The following MACROD2 variants were observed in gnomAD, a reference collection of about 807,000 sequenced individuals.
The protein encoded by MACROD2 is ADP-ribose glycohydrolase MACROD2.
In MACROD2, 36 loss-of-function variants were observed where a neutral mutation model predicts 70.4. The ratio of observed to expected loss-of-function variants is 0.51; its 90% confidence interval spans 0.39 to 0.68. The LOEUF is 0.68. Ranked by LOEUF, MACROD2 falls within the 30% of genes least tolerant of loss-of-function variation. MACROD2 has a pLI of 0.00. For missense variants in MACROD2, 496 were observed against 538.4 expected, an observed-to-expected ratio of 0.92 and a Z score of 0.78; for synonymous variants, 172 against 178.8, an observed-to-expected ratio of 0.96 and a Z score of 0.30.
chr20:15,013,818 G>A lies in MACROD2; in HGVS notation c.419-216122G>A, dbSNP rs149394297. On this transcript the variant is annotated intron_variant, in intron 5 of 17. Coordinates refer to ENST00000684519, the MANE Select transcript of MACROD2 (RefSeq NM_001351661.2). ...CCAACCTACAACACCAAGATAAATT[G>A]CTTGTATTTTTTCCTGGCGGTGGAG... Among the ~76,000 whole-genome samples the A allele has an allele frequency of 1.2e-4, 18 of 152,246 alleles. No homozygotes were observed. The East Asian group carries it at 3.5e-3, about 29-fold the overall frequency.
chr20:15,956,754 T>A (rs2065982709), intron 12 of MACROD2, among the ~76,000 whole-genome samples: 1 of 152,130 alleles, frequency 6.6e-6, no homozygotes, highest in African/African-American at 2.4e-5. Context: ...GGCCCCACAG[T>A]CTGTATGCTA....
chr20:14,643,353 A>G (rs561656101), intron 4 of MACROD2, among the ~76,000 whole-genome samples: 53 of 152,288 alleles, frequency 3.5e-4, no homozygotes, highest in Admixed American at 2.2e-3. Flanking sequence ...CAGTGGTCAT[A>G]TGGCAGATTG....
chr20:14,087,240 A>T (rs1295416936), intron 3 of MACROD2, among the ~76,000 whole-genome samples: 4 of 152,038 alleles, frequency 2.6e-5, no homozygotes, highest in Non-Finnish European at 5.9e-5. Flanking sequence ...CCAAAAAAAT[A>T]CAAAAATTAG....
At chr20:14,848,877 A>T (rs900529969) in intron 5 of MACROD2, among the ~76,000 whole-genome samples, 4 of 152,104 alleles carry the variant, frequency 2.6e-5, no homozygotes, top group African/African-American at 9.7e-5. Flanking sequence ...TAATTAGGGC[A>T]GCCTGGGCCA....
intron 8 of MACROD2, among the ~76,000 whole-genome samples, chr20:15,820,399 C>G (rs1005026686): frequency 1.3e-5 from 2 of 152,116 alleles, no homozygotes; most frequent in Non-Finnish European, 2.9e-5. Flanking sequence ...ACCATGTTGC[C>G]TAGGCTGGTC....
intron 4 of MACROD2, among the ~76,000 whole-genome samples, chr20:14,515,463 A>ACACACACACGCGCGCGTGCGCG (rs34190778): frequency 7.2e-6 from 1 of 138,822 alleles, no homozygotes; most frequent in African/African-American, 2.9e-5. Flanking sequence ...ATACACACAC[A>ACACACACACGCGCGCGTGCGCG]CGCACACACA....
intron 15 of MACROD2, among the ~76,000 whole-genome samples, chr20:16,025,862 T>C (rs1442408463): frequency 2.6e-5 from 4 of 151,938 alleles, no homozygotes; most frequent in Admixed American, 2.0e-4. Context: ...TCTTAGAGAA[T>C]TGGCCGGGCA....
intron 3 of MACROD2, among the ~76,000 whole-genome samples, chr20:14,337,161 A>C (rs1343506900): frequency 1.3e-5 from 2 of 152,212 alleles, no homozygotes; most frequent in African/African-American, 4.8e-5. Context: ...GCAATTACTC[A>C]AGACAGAAAA....
At chr20:15,777,652 C>CTCTT (rs145852817) in intron 8 of MACROD2, among the ~76,000 whole-genome samples, 28,098 of 134,900 alleles carry the variant, frequency 0.21, 4,442 homozygotes, top group African/African-American at 0.35. Context: ...CTCTCTCTCT[C>CTCTT]TCTTTCTTTC....
chr20:14,913,020 T>C (rs1466999269), intron 5 of MACROD2, among the ~76,000 whole-genome samples: 1 of 152,138 alleles, frequency 6.6e-6, no homozygotes, highest in Non-Finnish European at 1.5e-5. Flanking sequence ...TATAGCCCTG[T>C]TCAGTTAGGA....
At chr20:15,504,828 CTG>C (rs1183354382) in intron 8 of MACROD2, among the ~76,000 whole-genome samples, 1 of 152,158 alleles carries the variant, frequency 6.6e-6, no homozygotes, top group African/African-American at 2.4e-5. Context: ...AAATAAGGGA[CTG>C]TTATGGAAAT....
chr20:15,485,716 C>G (rs1202530452), intron 7 of MACROD2, among the ~76,000 whole-genome samples: 2 of 152,084 alleles, frequency 1.3e-5, no homozygotes, highest in South Asian at 4.1e-4. Flanking sequence ...TTGCTATACC[C>G]CAAGTGCCTT....
intron 15 of MACROD2, among the ~76,000 whole-genome samples, chr20:15,999,277 T>C (rs2066676705): frequency 6.6e-6 from 1 of 152,200 alleles, no homozygotes; most frequent in Admixed American, 6.5e-5. Context: ...TTAATTTCCA[T>C]ATATTTGTGA....
At chr20:15,126,568 A>G (rs1234065073) in intron 5 of MACROD2, among the ~76,000 whole-genome samples, 2 of 152,156 alleles carry the variant, frequency 1.3e-5, no homozygotes, top group Admixed American at 6.6e-5. Context: ...TAAAAATGCA[A>G]GAATTCAAAT....
At chr20:15,227,031 G>T (rs1032579353) in intron 5 of MACROD2, among the ~76,000 whole-genome samples, 2 of 152,054 alleles carry the variant, frequency 1.3e-5, no homozygotes, top group African/African-American at 4.8e-5. Flanking sequence ...GCCTCATATT[G>T]ATTCACCTCC....
chr20:15,239,107 G>A (rs1285766344), intron 6 of MACROD2, among the ~76,000 whole-genome samples: 2 of 151,950 alleles, frequency 1.3e-5, no homozygotes, highest in South Asian at 2.1e-4. Context: ...GGCAATTTTG[G>A]CATATATCTA....
At chr20:14,060,464 G>C (rs1450478865) in intron 2 of MACROD2, among the ~76,000 whole-genome samples, 1 of 151,974 alleles carries the variant, frequency 6.6e-6, no homozygotes, top group African/African-American at 2.4e-5. Context: ...ATATTCATAG[G>C]GGACACCTAG....
chr20:15,288,821 TC>T (rs1185683315), intron 6 of MACROD2, among the ~76,000 whole-genome samples: 1 of 152,074 alleles, frequency 6.6e-6, no homozygotes, highest in East Asian at 1.9e-4. Context: ...GTGGGACAAT[TC>T]CTCTTATAAA....
intron 5 of MACROD2, among the ~76,000 whole-genome samples, chr20:14,999,268 T>A (rs2122891884): frequency 6.6e-6 from 1 of 152,306 alleles, no homozygotes; most frequent in African/African-American, 2.4e-5. Flanking sequence ...TGGTGTGTAA[T>A]GGTGTGTAAA....
Sources: allele counts gnomAD v4.1 joint callset (sites outside exome capture counted in the v4.1 genomes callset), GRCh38; gene constraint gnomAD v4.1.1; transcripts MANE v1.5; gene names NCBI Gene and HGNC (gene_info 2026-07-23, HGNC 2026-07-21).